The following CAMLG variants were observed in gnomAD, a reference collection of about 807,000 sequenced individuals.
CAMLG encodes the protein calcium modulating ligand, also known as guided entry of tail-anchored proteins factor CAMLG.
Under a neutral mutation model 28.9 loss-of-function variants are expected in CAMLG, and 23 were observed. The ratio of observed to expected loss-of-function variants is 0.80; its 90% CI spans 0.57 to 1.13. The LOEUF is 1.13. Ranked by LOEUF, CAMLG falls within the 50% of genes most tolerant of loss-of-function variation. The pLI is 0.00. For synonymous variants in CAMLG, 141 were observed against 146.5 expected, an observed-to-expected ratio of 0.96 and a Z score of 0.27; for missense variants, 367 against 371.9, an observed-to-expected ratio of 0.99 and a Z score of 0.11.
chr5:134,744,518 C>T (rs1223029318), intron 3 of CAMLG, among the ~76,000 whole-genome samples: 10 of 135,696 alleles, frequency 7.4e-5, no homozygotes, highest in African/African-American at 2.9e-4. Flanking sequence ...CAGAGTGAGA[C>T]TCTGTCTCCA....
Position 134,741,312 on chromosome 5 carries a change from C to T in CAMLG, c.422C>T (p.Ala141Val), listed in dbSNP as rs201335217. The change falls in exon 2 of 4, where the codon GCG (alanine) becomes GTG (valine). Residue 141 changes from alanine (A) to valine (V), a missense_variant. Ala to Val is a moderately conservative substitution (Grantham distance 64). Coordinates refer to ENST00000297156, the MANE Select transcript of CAMLG (RefSeq NM_001745.4). Reference sequence around the variant, plus strand: ...CAGCGGAACAGAGGGGACCTGACAGCGGACTCGGTCCAGAGGGGTTCCCGC... The same window carrying T: ...CAGCGGAACAGAGGGGACCTGACAGTGGACTCGGTCCAGAGGGGTTCCCGC... The part of the protein sequence containing the change: ...LRQRNRGDLT[A>V]DSVQRGSRHG... 3.2e-5 allele frequency: 51 copies of T among 1,614,120 alleles called. 1 individual carries two copies. In the East Asian group the frequency reaches 8.0e-4, roughly 25 times the overall value.
intron 3 of CAMLG, among the ~76,000 whole-genome samples, chr5:134,750,525 G>A (rs1376191241): frequency 3.3e-5 from 5 of 151,078 alleles, no homozygotes; most frequent in African/African-American, 4.9e-5. Flanking sequence ...GCAACAGAGC[G>A]AGACTCCATC....
At position 134,751,350 on chromosome 5, in the gene CAMLG, T is replaced by C. The variant is rs1753111981; in HGVS notation, c.*400T>C. ...CATTCTGTCCTGAGAAATGAAGTCA[T>C]CTGAAAAATAAAATGAAAGAAACTG... On this transcript the variant is annotated 3_prime_UTR_variant, in exon 4 of 4. Transcript: ENST00000297156. 1 of 156,360 alleles carries C rather than the reference T, an allele frequency of 6.4e-6. No individual in the cohort carries two copies. The highest frequency in any genetic ancestry group is 2.0e-4 in the South Asian group (1 of 4,988). 9.7% of individuals were successfully genotyped at this position (156,360 alleles called of 1,614,324 possible).
At chr5:134,744,905 A>C (rs1157815505) in intron 3 of CAMLG, among the ~76,000 whole-genome samples, 1 of 152,180 alleles carries the variant, frequency 6.6e-6, no homozygotes, top group Non-Finnish European at 1.5e-5. Context: ...ATACAGTTTT[A>C]TGAGGCTTGG....
rs1752983592 is a variant in CAMLG, at chr5:134,741,455, C to T, written c.565C>T (p.Arg189Ter). 17 of 1,613,942 alleles carry T rather than the reference C, an allele frequency of 1.1e-5. No homozygotes were observed. The highest frequency in any genetic ancestry group is 1.3e-5 in the African/African-American group (1 of 75,024). The change falls in exon 2 of 4, where the codon CGA becomes TGA. Residue 189 changes from arginine to a stop codon, truncating the protein, a stop_gained. Transcript: ENST00000297156. LOFTEE classifies it high-confidence loss of function. ...GNTTEEFDSF[R>*]IFRLVGCALL... ...TACAACAGAAGAATTTGACTCTTTTCGAATATTTAGATTGGTGGGATGTGC... is the reference window on the plus strand; with the variant it reads ...TACAACAGAAGAATTTGACTCTTTTTGAATATTTAGATTGGTGGGATGTGC...
intron 1 of CAMLG, among the ~76,000 whole-genome samples, chr5:134,740,627 C>T (rs1752970696): frequency 6.6e-6 from 1 of 152,132 alleles, no homozygotes; most frequent in South Asian, 2.1e-4. Context: ...TGGAGTCTCA[C>T]TCTGTCGCCA....
rs1028218740 is a variant in CAMLG at position 134,741,266 on chromosome 5, G to T, written c.376G>T (p.Asp126Tyr). The T allele has an allele frequency of 6.2e-7, 1 of 1,614,094 alleles. No individual in the cohort carries two copies. The highest frequency in any genetic ancestry group is 8.5e-7 in the Non-Finnish European group (1 of 1,180,050). The change falls in exon 2 of 4, where the codon GAT becomes TAT. Residue 126 changes from aspartate (D) to tyrosine (Y), a missense_variant. Asp to Tyr is a radical substitution (Grantham distance 160). Coordinates refer to ENST00000297156, the MANE Select transcript of CAMLG (RefSeq NM_001745.4). Reference sequence around the variant, plus strand: ...CATTAAACCACCTGAGTGCAGTAGTGATGTCAACCTTGAGCTCCGGCAGCG... The same window carrying T: ...CATTAAACCACCTGAGTGCAGTAGTTATGTCAACCTTGAGCTCCGGCAGCG... ...SFIKPPECSS[D>Y]VNLELRQRNR...
chr5:134,742,603 T>TAGAGTATATA (rs1752998570), intron 2 of CAMLG, among the ~76,000 whole-genome samples: 1 of 152,188 alleles, frequency 6.6e-6, no homozygotes, highest in African/African-American at 2.4e-5. Context: ...TTATAGTATA[T>TAGAGTATATA]TAAAGAATGC....
chr5:134,744,100 T>C, intron 3 of CAMLG, 48 bp downstream of exon 3: 1 of 819,144 alleles, frequency 1.2e-6, no homozygotes, highest in Non-Finnish European at 2.0e-6. Flanking sequence ...TGGATTGATT[T>C]ATGACTAGCT....
Position 134,750,755 on chromosome 5 carries a change from A to G in CAMLG, c.700-4A>G. 1.9e-6 allele frequency: 3 copies of G among 1,606,490 alleles called. No individual in the cohort carries two copies. Among genetic ancestry groups the G allele is most frequent in the Non-Finnish European group, 2.6e-6 (3 of 1,173,536 alleles). On this transcript the variant is annotated splice_region_variant and splice_polypyrimidine_tract_variant and intron_variant, in intron 3 of 3. Coordinates refer to ENST00000297156, the MANE Select transcript of CAMLG (RefSeq NM_001745.4). ...AAGATTAATTTGAGTCTTTCTCTAC[A>G]CAGAGTGAAAAGAAGATAAAGACAA...
At chr5:134,749,938 C>G (rs1167905851) in intron 3 of CAMLG, among the ~76,000 whole-genome samples, 2 of 152,196 alleles carry the variant, frequency 1.3e-5, no homozygotes, top group Non-Finnish European at 2.9e-5. Flanking sequence ...CTCCTAGGCT[C>G]AAGCCATCAC....
rs1356915657 is a variant in CAMLG, at chr5:134,750,741, G to C, written c.700-18G>C. The C allele has an allele frequency of 1.3e-6, 2 of 1,577,966 alleles. No homozygotes were observed. The highest frequency in any genetic ancestry group is 1.7e-5 in the Admixed American group (1 of 58,602). On this transcript the variant is annotated intron_variant, in intron 3 of 3. Transcript: ENST00000297156. ...CTGCTGAAACTTTGAAGATTAATTT[G>C]AGTCTTTCTCTACACAGAGTGAAAA...
At chr5:134,743,861 T>C in intron 2 of CAMLG, 126 bp from the exon 3 acceptor site, 1 of 577,086 alleles carries the variant, frequency 1.7e-6, no homozygotes, top group Non-Finnish European at 3.1e-6. Context: ...GAAGACTCCG[T>C]CTCAAAAAAT....
chr5:134,750,967 A>G lies in CAMLG; in HGVS notation c.*17A>G, dbSNP rs1346025044. The G allele has an allele frequency of 1.1e-5, 18 of 1,572,394 alleles. No homozygotes were observed. Among genetic ancestry groups the G allele is most frequent in the Non-Finnish European group, 1.6e-5 (18 of 1,160,694 alleles). On this transcript the variant is annotated 3_prime_UTR_variant, in exon 4 of 4. Coordinates refer to ENST00000297156, the MANE Select transcript of CAMLG (RefSeq NM_001745.4). ...GTACCATGAAGCCTGTAGAACTGAGAAGGAGAAGCTTACAAAAAAAAAAAA... is the reference window on the plus strand; with the variant it reads ...GTACCATGAAGCCTGTAGAACTGAGGAGGAGAAGCTTACAAAAAAAAAAAA...
At position 134,750,423 on chromosome 5, in the gene CAMLG, G is replaced by A. The variant is rs574197015; in HGVS notation, c.700-336G>A. 5.3e-5 allele frequency among the ~76,000 whole-genome samples: 8 copies of A among 151,840 alleles called. No individual in the cohort carries two copies. In the East Asian group the frequency reaches 5.8e-4, roughly 11 times the overall value. On this transcript the variant is annotated intron_variant, in intron 3 of 3. Transcript: ENST00000297156. ...CATGGTGGCAAGCACCTGTAATCCC[G>A]GCTACTCAGGAGGCTGAGGCAGGAG... is the stretch of plus-strand genomic sequence containing the variant.
At chr5:134,742,440 A>G (rs1214493054) in intron 2 of CAMLG, among the ~76,000 whole-genome samples, 1 of 152,188 alleles carries the variant, frequency 6.6e-6, no homozygotes, top group Admixed American at 6.5e-5. Context: ...TATACTGTAT[A>G]TTATCAATTT....
rs772126767 is a variant in CAMLG at position 134,741,141 on chromosome 5, G to A, written c.251G>A (p.Arg84Gln). 5.0e-6 allele frequency: 8 copies of A among 1,613,968 alleles called. No individual in the cohort carries two copies. The highest frequency in any genetic ancestry group is 2.2e-5 in the East Asian group (1 of 44,902). ...NSLSVPSVSK[R>Q]VVLGDSVSTG... ...CTCAGCGTTCCTTCCGTTTCAAAGC[G>A]AGTAGTGCTGGGTGATTCAGTCAGT... is the stretch of plus-strand genomic sequence containing the variant. Residue 84 changes from arginine to glutamine, a missense_variant, in exon 2 of 4, where the codon CGA becomes CAA. Transcript: ENST00000297156.
intron 3 of CAMLG, among the ~76,000 whole-genome samples, chr5:134,747,618 T>A (rs1197582256): frequency 6.6e-6 from 1 of 151,618 alleles, no homozygotes; most frequent in Non-Finnish European, 1.5e-5. Context: ...AGTGCTGGGA[T>A]TACAGGCATG....
chr5:134,743,920 C>T, intron 2 of CAMLG, 67 bp from the exon 3 acceptor site: 3 of 716,818 alleles, frequency 4.2e-6, no homozygotes, highest in Non-Finnish European at 7.2e-6. Context: ...TTTCTAGCTG[C>T]TGTTTGATTT....
Sources: gnomAD v4.1 joint callset for allele counts (sites outside exome capture counted in the v4.1 genomes callset) on GRCh38, gnomAD v4.1.1 for gene constraint, MANE v1.5 for transcripts, NCBI Gene and HGNC (gene_info 2026-07-23, HGNC 2026-07-21) for gene names.